Variants in CSMD1 observed in about 807,000 individuals in gnomAD.
CSMD1 encodes CUB and sushi domain-containing protein 1.
A neutral mutation model predicts 417.5 loss-of-function variants in CSMD1; 213 were observed. That is an observed-to-expected ratio of 0.51 (90% CI 0.46 to 0.57). The LOEUF is 0.57. Among genes scored for constraint, CSMD1 ranks in the 20% least tolerant of loss-of-function variants. The pLI is 0.00. For synonymous variants in CSMD1, 2,862 were observed against 1,736.8 expected (o/e 1.65, Z -16.11); for missense variants, 6,923 against 4,529.7 (o/e 1.53, Z -15.17).
At chr8:3,097,894 C>G (rs918703204) in intron 46 of CSMD1, among the ~76,000 whole-genome samples, 7 of 152,142 alleles carry the variant, frequency 4.6e-5, no homozygotes, top group African/African-American at 1.7e-4. Context: ...AGCCCTGATT[C>G]CTAAGGGATG....
At chr8:4,904,455 G>C (rs1299446000) in intron 1 of CSMD1, among the ~76,000 whole-genome samples, 2 of 152,164 alleles carry the variant, frequency 1.3e-5, no homozygotes, top group African/African-American at 2.4e-5. Context: ...AGAGGTAAGA[G>C]ACATGTTCAA....
At chr8:4,059,624 C>A (rs943572843) in intron 3 of CSMD1, among the ~76,000 whole-genome samples, 1 of 151,992 alleles carries the variant, frequency 6.6e-6, no homozygotes, top group Non-Finnish European at 1.5e-5. Context: ...ACCACCGATC[C>A]CACAGAAATA....
chr8:3,734,650 G>A (rs1232561847), intron 6 of CSMD1, among the ~76,000 whole-genome samples: 3 of 152,154 alleles, frequency 2.0e-5, no homozygotes, highest in South Asian at 4.1e-4. Context: ...GGCGGAGGTC[G>A]CAGTGAGCCA....
chr8:4,961,822 C>G (rs1249615227), intron 1 of CSMD1, among the ~76,000 whole-genome samples: 4 of 151,946 alleles, frequency 2.6e-5, no homozygotes, highest in African/African-American at 9.7e-5. Context: ...AATCTACTTT[C>G]TTGTTATTTC....
At chr8:3,839,748 T>C (rs897907983) in intron 5 of CSMD1, among the ~76,000 whole-genome samples, 2 of 150,896 alleles carry the variant, frequency 1.3e-5, no homozygotes, top group African/African-American at 2.4e-5. Flanking sequence ...GTTAAACCCA[T>C]GAGTGCTGCC....
In CSMD1 at chr8:3,914,982, C is replaced by T. The variant is rs766535191; in HGVS notation, c.818+82921G>A. Among the ~76,000 whole-genome samples the T allele has an allele frequency of 1.8e-4, 28 of 152,194 alleles. 1 individual carries two copies. The highest frequency in any genetic ancestry group is 6.8e-3 in the Middle Eastern group (2 of 294). On this transcript the variant is annotated intron_variant, in intron 5 of 69. Transcript: ENST00000635120. Reference sequence around the variant, plus strand: ...GTATTGCAGTGTGATGAAAGCTGAACGGAACAGCCTTCACACACATACAAG... The same window carrying T: ...GTATTGCAGTGTGATGAAAGCTGAATGGAACAGCCTTCACACACATACAAG...
chr8:3,441,432 T>C (rs1419560621), intron 12 of CSMD1, among the ~76,000 whole-genome samples: 1 of 151,932 alleles, frequency 6.6e-6, no homozygotes, highest in East Asian at 1.9e-4. Context: ...GATTTTGAAA[T>C]ATTGAACAGT....
At chr8:3,857,215 A>T (rs1211795013) in intron 5 of CSMD1, among the ~76,000 whole-genome samples, 1 of 152,186 alleles carries the variant, frequency 6.6e-6, no homozygotes, top group East Asian at 1.9e-4. Context: ...GGAGGGAGTA[A>T]TTAATTGATA....
At chr8:4,825,013 A>G (rs966506087) in intron 1 of CSMD1, among the ~76,000 whole-genome samples, 5 of 152,096 alleles carry the variant, frequency 3.3e-5, no homozygotes, top group Non-Finnish European at 7.4e-5. Context: ...TGCCATGTTT[A>G]TGACACTTAG....
intron 12 of CSMD1, among the ~76,000 whole-genome samples, chr8:3,455,270 G>C (rs1429684769): frequency 6.6e-6 from 1 of 152,016 alleles, no homozygotes; most frequent in Non-Finnish European, 1.5e-5. Context: ...TCCTCCTTTA[G>C]CTCGGAGTAG....
intron 1 of CSMD1, among the ~76,000 whole-genome samples, chr8:4,680,881 T>A (rs1031624339): frequency 1.3e-5 from 2 of 151,524 alleles, no homozygotes; most frequent in Non-Finnish European, 2.9e-5. Flanking sequence ...TACCCAACCC[T>A]AAGATAGTTT....
rs17068543 is a variant in CSMD1 at position 4,014,327 on chromosome 8, T to C, written c.611-16217A>G. On this transcript the variant is annotated intron_variant, in intron 4 of 69. Coordinates refer to ENST00000635120, the MANE Select transcript of CSMD1 (RefSeq NM_033225.6). ...TGAACATGGGAAACATTCATCACAT[T>C]CAATTATAGAGAGAAAATAATCTGT... 5.4e-3 allele frequency among the ~76,000 whole-genome samples: 815 copies of C among 152,274 alleles called. 10 individuals are homozygous for C. The highest frequency in any genetic ancestry group is 0.018 in the African/African-American group (746 of 41,530).
intron 3 of CSMD1, among the ~76,000 whole-genome samples, chr8:4,089,891 G>T (rs967172457): frequency 6.6e-6 from 1 of 152,102 alleles, no homozygotes; most frequent in Non-Finnish European, 1.5e-5. Context: ...AGAGCTGTGG[G>T]GTCAGGGACC....
At chr8:3,249,982 G>T (rs1049951173) in intron 26 of CSMD1, among the ~76,000 whole-genome samples, 1 of 152,198 alleles carries the variant, frequency 6.6e-6, no homozygotes, top group Non-Finnish European at 1.5e-5. Flanking sequence ...CTAGTGAACA[G>T]TATTTCAAAA....
At chr8:4,951,769 T>A (rs1020118169) in intron 1 of CSMD1, among the ~76,000 whole-genome samples, 4 of 151,784 alleles carry the variant, frequency 2.6e-5, no homozygotes, top group African/African-American at 7.2e-5. Context: ...ACCCCCTACC[T>A]TTCCTTAATA....
chr8:3,520,012 G>A (rs1010792197), intron 10 of CSMD1, among the ~76,000 whole-genome samples: 8 of 120,022 alleles, frequency 6.7e-5, no homozygotes, highest in South Asian at 2.7e-4. Context: ...GTGTGTGTGT[G>A]TATATACCTA....
At chr8:4,923,304 G>C (rs964410882) in intron 1 of CSMD1, among the ~76,000 whole-genome samples, 9 of 152,112 alleles carry the variant, frequency 5.9e-5, no homozygotes, top group Non-Finnish European at 1.0e-4. Flanking sequence ...GGCAATGTGA[G>C]TTGATGCTTT....
At chr8:3,378,033 G>A (rs10087620) in intron 18 of CSMD1, among the ~76,000 whole-genome samples, 14,569 of 152,200 alleles carry the variant, frequency 0.096, 881 homozygotes, top group Non-Finnish European at 0.14. Flanking sequence ...ACCTGGTCTT[G>A]GAGGTTGAAA....
chr8:4,671,230 A>G (rs1378677026), intron 1 of CSMD1, among the ~76,000 whole-genome samples: 1 of 152,138 alleles, frequency 6.6e-6, no homozygotes, highest in African/African-American at 2.4e-5. Flanking sequence ...CAATCCTTTT[A>G]CCATTGAAGT....
Sources: gnomAD v4.1 joint callset for allele counts (sites outside exome capture counted in the v4.1 genomes callset) on GRCh38, gnomAD v4.1.1 for gene constraint, MANE v1.5 for transcripts, NCBI Gene and HGNC (gene_info 2026-07-23, HGNC 2026-07-21) for gene names.